SH3GL2: variants seen among roughly 807,000 people sequenced by gnomAD.
The protein encoded by SH3GL2 is endophilin-A1.
In SH3GL2, 24 loss-of-function variants were observed where a neutral mutation model predicts 46.0. That is an observed-to-expected ratio of 0.52 (90% CI 0.38 to 0.73). The LOEUF (loss-of-function observed/expected upper bound fraction) is 0.73, where lower values mean the gene tolerates loss of function less well. Ranked by LOEUF, SH3GL2 falls within the 30% of genes least tolerant of loss-of-function variation. The pLI is 0.00. For missense variants in SH3GL2, 413 were observed against 424.2 expected (o/e 0.97, Z 0.23); for synonymous variants, 196 against 147.1 (o/e 1.33, Z -2.40).
chr9:17,793,595 A>G, intron 8 of SH3GL2, 98 bp downstream of exon 8: 1 of 1,110,084 alleles, frequency 9.0e-7, no homozygotes, highest in Non-Finnish European at 1.3e-6. Flanking sequence ...GCTGCATAGG[A>G]AATATGCAGT....
chr9:17,756,703 A>G (rs1027753805), intron 2 of SH3GL2, among the ~76,000 whole-genome samples: 15 of 152,014 alleles, frequency 9.9e-5, no homozygotes, highest in Non-Finnish European at 1.9e-4. Context: ...TATGTGCCAC[A>G]GTTTCTTAAT....
intron 1 of SH3GL2, among the ~76,000 whole-genome samples, chr9:17,696,847 T>C (rs1821215125): frequency 6.6e-6 from 1 of 152,210 alleles, no homozygotes; most frequent in South Asian, 2.1e-4. Context: ...TTGTGGATGC[T>C]AAAACCAAAA....
chr9:17,617,611 C>A (rs1442652311), intron 1 of SH3GL2, among the ~76,000 whole-genome samples: 1 of 152,192 alleles, frequency 6.6e-6, no homozygotes, highest in Non-Finnish European at 1.5e-5. Flanking sequence ...TGCCTGTTAA[C>A]ATCTTTCGAG....
chr9:17,598,463 G>C (rs1244160213), intron 1 of SH3GL2, among the ~76,000 whole-genome samples: 1 of 152,148 alleles, frequency 6.6e-6, no homozygotes, highest in Non-Finnish European at 1.5e-5. Context: ...GTGTTTCCCT[G>C]AGGATGCGTC....
At chr9:17,783,269 C>G (rs1307797119) in intron 3 of SH3GL2, among the ~76,000 whole-genome samples, 1 of 151,886 alleles carries the variant, frequency 6.6e-6, no homozygotes, top group African/African-American at 2.4e-5. Flanking sequence ...ATGGACTCTG[C>G]TGTTTTCCAT....
intron 1 of SH3GL2, among the ~76,000 whole-genome samples, chr9:17,743,917 A>G (rs1822605752): frequency 1.3e-5 from 2 of 152,184 alleles, no homozygotes; most frequent in South Asian, 4.1e-4. Context: ...TCTCAGCTAT[A>G]TATTTCCTTG....
chr9:17,642,746 G>A (rs762451263), intron 1 of SH3GL2, among the ~76,000 whole-genome samples: 8 of 152,160 alleles, frequency 5.3e-5, no homozygotes, highest in African/African-American at 1.4e-4. Flanking sequence ...TACTGTTTTG[G>A]TTACTGTAGC....
At chr9:17,757,194 A>G (rs1823020612) in intron 2 of SH3GL2, among the ~76,000 whole-genome samples, 1 of 152,200 alleles carries the variant, frequency 6.6e-6, no homozygotes, top group Non-Finnish European at 1.5e-5. Flanking sequence ...TAAGACCATA[A>G]AAACCCTAGA....
intron 1 of SH3GL2, among the ~76,000 whole-genome samples, chr9:17,660,190 A>G (rs12346670): frequency 0.019 from 2,935 of 152,106 alleles, 112 homozygotes; most frequent in African/African-American, 0.061. Context: ...TTCTTTGGCC[A>G]GGGCTGTGTT....
chr9:17,584,706 G>C (rs1818340602), intron 1 of SH3GL2, among the ~76,000 whole-genome samples: 1 of 152,112 alleles, frequency 6.6e-6, no homozygotes, highest in African/African-American at 2.4e-5. Context: ...AGAGTGCCAT[G>C]CTTGCATAAT....
intron 1 of SH3GL2, 125 bp from the exon 2 acceptor site, chr9:17,746,941 C>G (rs775606054): frequency 1.5e-6 from 1 of 645,898 alleles, no homozygotes; most frequent in Non-Finnish European, 2.7e-6. Context: ...ATGAGACTCT[C>G]CACCTAAGTC....
At chr9:17,658,733 A>T (rs1015986144) in intron 1 of SH3GL2, among the ~76,000 whole-genome samples, 11 of 152,192 alleles carry the variant, frequency 7.2e-5, no homozygotes, top group African/African-American at 2.4e-4. Context: ...AATAAACCCT[A>T]GCTAATTCTC....
At chr9:17,786,777 A>T (rs913800315) in intron 4 of SH3GL2, among the ~76,000 whole-genome samples, 1 of 151,922 alleles carries the variant, frequency 6.6e-6, no homozygotes, top group African/African-American at 2.4e-5. Context: ...TGACATATCC[A>T]GATGCCTCCT....
At chr9:17,653,853 G>A in intron 1 of SH3GL2, 1 of 981,208 alleles carries the variant, frequency 1.0e-6, no homozygotes, top group Non-Finnish European at 1.2e-6. Flanking sequence ...AACATTCATG[G>A]AGACATTAAC....
rs139649332 is a variant in SH3GL2 at position 17,682,865 on chromosome 9, T to G, written c.46-64201T>G. 2.0e-3 allele frequency among the ~76,000 whole-genome samples: 308 copies of G among 152,208 alleles called. 1 individual carries two copies. Among genetic ancestry groups the G allele is most frequent in the Non-Finnish European group, 2.8e-3 (188 of 68,014 alleles). On this transcript the variant is annotated intron_variant, in intron 1 of 8. Coordinates refer to ENST00000380607, the MANE Select transcript of SH3GL2 (RefSeq NM_003026.5). ...GTATGTGTATTTGTGTATTTCAAAC[T>G]CCGGAAGCTTTTGTATTATTGAAAC...
chr9:17,617,325 A>G (rs778876596), intron 1 of SH3GL2, among the ~76,000 whole-genome samples: 6 of 152,232 alleles, frequency 3.9e-5, no homozygotes, highest in Non-Finnish European at 7.3e-5. Context: ...TAGCTGAAAG[A>G]TGGTTTTAGG....
In SH3GL2 at chr9:17,703,418, A is replaced by G. The variant is rs1445619628; in HGVS notation, c.46-43648A>G. Among the ~76,000 whole-genome samples the G allele has an allele frequency of 5.3e-5, 8 of 152,004 alleles. 1 individual carries two copies. The highest frequency in any genetic ancestry group is 1.7e-4 in the African/African-American group (7 of 41,396). ...ATGGCAGTTTCATTTCCAAAAGTTG[A>G]GGAGGAGGGACTCCTCCTTAACTCA... On this transcript the variant is annotated intron_variant, in intron 1 of 8. Coordinates refer to ENST00000380607, the MANE Select transcript of SH3GL2 (RefSeq NM_003026.5).
intron 1 of SH3GL2, among the ~76,000 whole-genome samples, chr9:17,673,907 C>G (rs1165514693): frequency 6.6e-6 from 1 of 152,172 alleles, no homozygotes; most frequent in African/African-American, 2.4e-5. Context: ...ACCCTAAGGT[C>G]TCCATAGGGC....
At chr9:17,751,929 C>G (rs989788646) in intron 2 of SH3GL2, among the ~76,000 whole-genome samples, 1 of 152,114 alleles carries the variant, frequency 6.6e-6, no homozygotes, top group Non-Finnish European at 1.5e-5. Flanking sequence ...TTTCCTTAGT[C>G]TGAAATTCAG....
Sources: allele counts gnomAD v4.1 joint callset (sites outside exome capture counted in the v4.1 genomes callset), GRCh38; gene constraint gnomAD v4.1.1; transcripts MANE v1.5; gene names NCBI Gene and HGNC (gene_info 2026-07-23, HGNC 2026-07-21).